The following TCF25 variants were observed in gnomAD, a reference collection of about 807,000 sequenced individuals.
The protein encoded by TCF25 is ribosome quality control complex subunit TCF25.
In TCF25, 41 loss-of-function variants were observed where a neutral mutation model predicts 83.1. That is an observed-to-expected ratio of 0.49 (90% confidence interval 0.38 to 0.64). The LOEUF is 0.64. TCF25 is among the 30% of genes least tolerant of loss of function. TCF25 has a pLI of 0.00. For synonymous variants in TCF25, 458 were observed against 365.0 expected, an observed-to-expected ratio of 1.25 and a Z score of -2.90; for missense variants, 979 against 914.5, an observed-to-expected ratio of 1.07 and a Z score of -0.91.
chr16:89,897,737 G>A (rs913371430), intron 9 of TCF25, among the ~76,000 whole-genome samples: 18 of 152,230 alleles, frequency 1.2e-4, no homozygotes, highest in African/African-American at 3.9e-4. Context: ...CCACTGTTGA[G>A]ATTGGAGGAT....
In TCF25 at chr16:89,893,877, C is replaced by T. The variant is rs2144122943; in HGVS notation, c.828+19C>T. 6.3e-7 allele frequency: 1 copy of T among 1,589,972 alleles called. No individual in the cohort carries two copies. Among genetic ancestry groups the T allele is most frequent in the African/African-American group, 1.3e-5 (1 of 74,246 alleles). On this transcript the variant is annotated intron_variant, in intron 7 of 17. Coordinates refer to ENST00000263346, the MANE Select transcript of TCF25 (RefSeq NM_014972.3). Reference sequence around the variant, plus strand: ...CATCGTGGTGCGTGGTCCCTGCAGCCCCTGACAGGAGCAGGGGCCATGTAG... The same window carrying T: ...CATCGTGGTGCGTGGTCCCTGCAGCTCCTGACAGGAGCAGGGGCCATGTAG...
intron 7 of TCF25, 95 bp from the exon 8 acceptor site, chr16:89,894,943 C>T (rs1187017493): frequency 2.7e-6 from 3 of 1,112,822 alleles, no homozygotes; most frequent in East Asian, 2.6e-5. Flanking sequence ...CTGCGCCCAG[C>T]CTCCGCTGGT....
intron 13 of TCF25, 127 bp from the exon 14 acceptor site, chr16:89,904,811 C>G: frequency 1.7e-6 from 2 of 1,193,034 alleles, no homozygotes; most frequent in Non-Finnish European, 2.4e-6. Flanking sequence ...GCCCAGGGGC[C>G]TCCTTTCACT....
At chr16:89,888,020 C>T (rs1017897791) in intron 5 of TCF25, among the ~76,000 whole-genome samples, 2 of 152,162 alleles carry the variant, frequency 1.3e-5, no homozygotes, top group African/African-American at 2.4e-5. Flanking sequence ...AATCCCAGCA[C>T]TTTGGGAGGC....
At chr16:89,893,983 C>T in intron 7 of TCF25, 125 bp downstream of exon 7, 1 of 1,394,876 alleles carries the variant, frequency 7.2e-7, no homozygotes, top group Non-Finnish European at 9.7e-7. Flanking sequence ...AGGAAGGGTG[C>T]CAGTCTCTGC....
rs757021076 is a variant in TCF25 at position 89,898,880 on chromosome 16, C to T, written c.1221+8C>T. 7 of 1,612,966 alleles carry T rather than the reference C, an allele frequency of 4.3e-6. No homozygotes were observed. Among genetic ancestry groups the T allele is most frequent in the African/African-American group, 2.7e-5 (2 of 74,900 alleles). ...CTCTTCCAGGAGTGGGAGGTGGGTG[C>T]GAGCCTGGTGAGGCCCCGTGGAGGG... is the stretch of plus-strand genomic sequence containing the variant. On this transcript the variant is annotated splice_region_variant and intron_variant, in intron 11 of 17. Coordinates refer to ENST00000263346, the MANE Select transcript of TCF25 (RefSeq NM_014972.3).
At chr16:89,895,169 G>C in intron 8 of TCF25, 32 bp downstream of exon 8, 1 of 1,590,836 alleles carries the variant, frequency 6.3e-7, no homozygotes, top group Non-Finnish European at 8.6e-7. Context: ...ATTCCCCTCA[G>C]CTGTGGGAGC....
At position 89,873,787 on chromosome 16, in the gene TCF25, G is replaced by C; in HGVS notation, c.120G>C (p.Lys40Asn). ...ATGACGCGGAAGAAGAAGGGCCCAA[G>C]CGGGAGCTTGGTGTCCGGCGTCCCG... ...DDDDAEEEGP[K>N]RELGVRRPGG... The change falls in exon 1 of 18, where the codon AAG becomes AAC. Residue 40 changes from lysine (K) to asparagine (N), a missense_variant. Coordinates refer to ENST00000263346, the MANE Select transcript of TCF25 (RefSeq NM_014972.3). The C allele has an allele frequency of 6.2e-7, 1 of 1,607,758 alleles. No homozygotes were observed. Among genetic ancestry groups the C allele is most frequent in the Non-Finnish European group, 8.5e-7 (1 of 1,178,022 alleles).
chr16:89,910,382 C>T, intron 16 of TCF25: 1 of 598,620 alleles, frequency 1.7e-6, no homozygotes, highest in Middle Eastern at 4.5e-4. Context: ...CCTGTTCCCG[C>T]TGTCCACAGC....
At chr16:89,878,593 G>A in intron 1 of TCF25, 25 of 1,166,338 alleles carry the variant, frequency 2.1e-5, no homozygotes, top group Non-Finnish European at 2.6e-5. Context: ...TTCCCCATTT[G>A]AGACCCTAAA....
At chr16:89,892,979 A>G (rs73276549) in intron 6 of TCF25, among the ~76,000 whole-genome samples, 7,577 of 152,264 alleles carry the variant, frequency 0.05, 518 homozygotes, top group African/African-American at 0.15. Flanking sequence ...GCCTGCATAC[A>G]TTCTGTAAGG....
At chr16:89,891,351 C>T (rs1280174476) in intron 5 of TCF25, among the ~76,000 whole-genome samples, 1 of 152,210 alleles carries the variant, frequency 6.6e-6, no homozygotes, top group African/African-American at 2.4e-5. Flanking sequence ...GGGCCACCTT[C>T]ATGTCAGGAG....
At chr16:89,908,225 C>G (rs2045130099) in intron 16 of TCF25, among the ~76,000 whole-genome samples, 1 of 145,952 alleles carries the variant, frequency 6.9e-6, no homozygotes, top group Non-Finnish European at 1.5e-5. Flanking sequence ...CCCCGCCTCC[C>G]TCCTCTCAGT....
chr16:89,888,698 G>A (rs1181211197), intron 5 of TCF25, among the ~76,000 whole-genome samples: 3 of 147,666 alleles, frequency 2.0e-5, no homozygotes, highest in Admixed American at 6.7e-5. Flanking sequence ...TTTTTTTGAG[G>A]CAGATTCTTG....
chr16:89,887,487 G>T (rs1597304837), intron 4 of TCF25, among the ~76,000 whole-genome samples, 165 bp from the exon 5 acceptor site: 1 of 152,214 alleles, frequency 6.6e-6, no homozygotes, highest in East Asian at 1.9e-4. Flanking sequence ...CAGTGGCGAG[G>T]CCTCAGCTGT....
intron 1 of TCF25, among the ~76,000 whole-genome samples, chr16:89,880,764 ACAT>A (rs1374824383): frequency 2.0e-5 from 3 of 152,134 alleles, no homozygotes; most frequent in African/African-American, 7.2e-5. Flanking sequence ...TCACTAAGAG[ACAT>A]CATCATTAGT....
At chr16:89,874,475 C>T (rs563413853) in intron 1 of TCF25, 3 of 153,022 alleles carry the variant, frequency 2.0e-5, no homozygotes, top group Non-Finnish European at 2.9e-5. Context: ...TGCCAGGCCT[C>T]TGCGAGCATT....
chr16:89,873,838 A>C lies in TCF25; in HGVS notation c.171A>C (p.Arg57=). The change falls in exon 1 of 18, where the codon CGA becomes CGC. Residue 57 remains arginine (R), a synonymous_variant. Transcript: ENST00000263346. The stretch of plus-strand genomic sequence containing the variant: ...GGGGCGCAGGGAAGGAGGGCGTCCG[A>C]GTCAACAACCGCTTCGAGCTGGTGA... ...RPGGAGKEGV[R]VNNRFELINI... 6.4e-7 allele frequency: 1 copy of C among 1,559,990 alleles called. No individual in the cohort carries two copies. Among genetic ancestry groups the C allele is most frequent in the Non-Finnish European group, 8.6e-7 (1 of 1,156,760 alleles).
chr16:89,894,281 G>C (rs1029663742), intron 7 of TCF25, among the ~76,000 whole-genome samples: 1 of 119,024 alleles, frequency 8.4e-6, no homozygotes, highest in African/African-American at 3.6e-5. Flanking sequence ...AGACAGCCCC[G>C]GACCTGGACA....
Sources: allele counts gnomAD v4.1 joint callset (sites outside exome capture counted in the v4.1 genomes callset), GRCh38; gene constraint gnomAD v4.1.1; transcripts MANE v1.5; gene names NCBI Gene and HGNC (gene_info 2026-07-23, HGNC 2026-07-21).